The following LARGE1 variants were observed in gnomAD, a reference collection of about 807,000 sequenced individuals.
The protein encoded by LARGE1 is xylosyl- and glucuronyltransferase LARGE1.
A neutral mutation model predicts 87.6 loss-of-function variants in LARGE1; 43 were observed. The observed-to-expected ratio is 0.49, with a 90% CI of 0.38 to 0.63. The LOEUF (loss-of-function observed/expected upper bound fraction) is 0.63. Ranked by LOEUF, LARGE1 falls within the 30% of genes least tolerant of loss-of-function variation. LARGE1 has a pLI of 0.00. For synonymous variants in LARGE1, 434 were observed against 394.6 expected (o/e 1.10, Z -1.18); for missense variants, 802 against 1,000.2 (o/e 0.80, Z 2.67).
chr22:33,553,718 C>T (rs77655891), intron 6 of LARGE1, among the ~76,000 whole-genome samples: 1,720 of 152,198 alleles, frequency 0.011, 16 homozygotes, highest in Non-Finnish European at 0.018. Context: ...AACACCCCGA[C>T]GTTGCAAAGA....
chr22:33,317,983 T>C (rs1016404904), intron 10 of LARGE1, among the ~76,000 whole-genome samples: 1 of 151,444 alleles, frequency 6.6e-6, no homozygotes, highest in Non-Finnish European at 1.5e-5. Flanking sequence ...ACGCCTGTAA[T>C]CCCAGCACTT....
intron 7 of LARGE1, among the ~76,000 whole-genome samples, chr22:33,430,349 T>C (rs537938584): frequency 6.6e-6 from 1 of 152,290 alleles, no homozygotes; most frequent in African/African-American, 2.4e-5. Flanking sequence ...TTACCCATTA[T>C]TGAAAAGAGT....
chr22:33,226,813 T>A (rs2145641605), intron 11 of LARGE1, among the ~76,000 whole-genome samples: 1 of 151,980 alleles, frequency 6.6e-6, no homozygotes, highest in Non-Finnish European at 1.5e-5. Flanking sequence ...CACTGCAAGC[T>A]CCACCTCCCA....
At chr22:33,193,708 C>T (rs978173379) in intron 11 of LARGE1, among the ~76,000 whole-genome samples, 6 of 151,958 alleles carry the variant, frequency 3.9e-5, no homozygotes, top group African/African-American at 1.4e-4. Context: ...ATCCCAGCTA[C>T]TCAGGAGGCT....
intron 6 of LARGE1, among the ~76,000 whole-genome samples, chr22:33,434,558 C>T (rs774684863): frequency 1.3e-5 from 2 of 152,174 alleles, no homozygotes; most frequent in Non-Finnish European, 2.9e-5. Context: ...CTCGGCCTCC[C>T]AAAGTGCTGG....
intron 1 of LARGE1, among the ~76,000 whole-genome samples, chr22:33,794,934 T>C (rs2085934961): frequency 6.6e-6 from 1 of 152,136 alleles, no homozygotes; most frequent in Admixed American, 6.5e-5. Flanking sequence ...AATGGGACAA[T>C]TTCAAGAGTA....
At chr22:33,096,813 C>A in the LARGE1 span, among the ~76,000 whole-genome samples, 1 of 152,158 alleles carries the variant, frequency 6.6e-6, no homozygotes, top group African/African-American at 2.4e-5. Context: ...GATCCGCCCG[C>A]CTCGGCCTCC....
intron 6 of LARGE1, among the ~76,000 whole-genome samples, chr22:33,521,757 G>T (rs2071609316): frequency 1.3e-5 from 2 of 152,162 alleles, no homozygotes; most frequent in South Asian, 4.1e-4. Context: ...TGTCTGCAAG[G>T]GAAGCTGAGA....
chr22:33,452,954 C>T (rs925911997), intron 6 of LARGE1, among the ~76,000 whole-genome samples: 2 of 152,176 alleles, frequency 1.3e-5, no homozygotes, highest in East Asian at 1.9e-4. Flanking sequence ...ATTACCGTGA[C>T]GGAGGATTGT....
chr22:33,303,003 G>T (rs1434401517), intron 12 of LARGE1, among the ~76,000 whole-genome samples: 1 of 152,166 alleles, frequency 6.6e-6, no homozygotes, highest in Non-Finnish European at 1.5e-5. Flanking sequence ...AATTCATGCT[G>T]ACCAATGGCA....
At chr22:33,532,942 T>G (rs1439760955) in intron 6 of LARGE1, among the ~76,000 whole-genome samples, 1 of 152,168 alleles carries the variant, frequency 6.6e-6, no homozygotes, top group South Asian at 2.1e-4. Flanking sequence ...AGACACGTGG[T>G]AGGTTACAGC....
At chr22:33,564,349 A>C (rs2077957539) in intron 6 of LARGE1, among the ~76,000 whole-genome samples, 2 of 152,096 alleles carry the variant, frequency 1.3e-5, no homozygotes, top group Admixed American at 6.5e-5. Flanking sequence ...TAATAGCTAT[A>C]AAGAAACCCA....
chr22:33,780,013 G>A (rs377318622), intron 1 of LARGE1, among the ~76,000 whole-genome samples: 14 of 152,270 alleles, frequency 9.2e-5, no homozygotes, highest in African/African-American at 3.1e-4. Context: ...ATCATGGTGT[G>A]AACAGGGCAC....
chr22:33,348,287 C>A (rs190163419), intron 9 of LARGE1, among the ~76,000 whole-genome samples: 4 of 137,528 alleles, frequency 2.9e-5, no homozygotes, highest in African/African-American at 5.3e-5. Flanking sequence ...CCCACCCCCC[C>A]CCAAAAAAAA....
At chr22:33,746,853 G>C (rs570580693) in intron 2 of LARGE1, among the ~76,000 whole-genome samples, 1 of 152,182 alleles carries the variant, frequency 6.6e-6, no homozygotes, top group African/African-American at 2.4e-5. Flanking sequence ...AGAGGAGGAG[G>C]GGGCGCTGAG....
intron 1 of LARGE1, among the ~76,000 whole-genome samples, chr22:33,774,777 C>T (rs189813301): frequency 6.6e-6 from 1 of 152,326 alleles, no homozygotes; most frequent in Admixed American, 6.5e-5. Flanking sequence ...TCTTGGTCTT[C>T]AAATACAGAG....
intron 2 of LARGE1, among the ~76,000 whole-genome samples, chr22:33,692,320 TA>T (rs1447321888): frequency 6.6e-6 from 1 of 152,168 alleles, no homozygotes; most frequent in Admixed American, 6.5e-5. Context: ...TATTTTATTT[TA>T]TTTTTTTGAG....
intron 6 of LARGE1, among the ~76,000 whole-genome samples, chr22:33,558,754 T>C (rs1353162437): frequency 6.6e-6 from 1 of 152,202 alleles, no homozygotes; most frequent in Non-Finnish European, 1.5e-5. Flanking sequence ...AAGCATAAAA[T>C]TTCTACAAAT....
chr22:33,253,823 C>A (rs116269796), intron 11 of LARGE1, among the ~76,000 whole-genome samples: 1 of 151,954 alleles, frequency 6.6e-6, no homozygotes, highest in Non-Finnish European at 1.5e-5. Flanking sequence ...GGCTGGCATA[C>A]TTTGCCAAAG....
Sources: gnomAD v4.1 joint callset for allele counts (sites outside exome capture counted in the v4.1 genomes callset) on GRCh38, gnomAD v4.1.1 for gene constraint, MANE v1.5 for transcripts, NCBI Gene and HGNC (gene_info 2026-07-23, HGNC 2026-07-21) for gene names.